GLIS1: variants seen among roughly 807,000 people sequenced by gnomAD.
GLIS1 encodes zinc finger protein GLIS1.
In GLIS1, 24 loss-of-function variants were observed where a neutral mutation model predicts 63.8. The ratio of observed to expected loss-of-function variants is 0.38; its 90% confidence interval spans 0.27 to 0.53. GLIS1 has a LOEUF of 0.53. GLIS1 is among the 20% of genes least tolerant of loss of function. The pLI, the probability that GLIS1 is intolerant of heterozygous loss-of-function variation, is 0.85. For missense variants in GLIS1, 1,036 were observed against 1,074.1 expected, an observed-to-expected ratio of 0.96 and a Z score of 0.50; for synonymous variants, 450 against 482.5, an observed-to-expected ratio of 0.93 and a Z score of 0.88.
intron 4 of GLIS1, among the ~76,000 whole-genome samples, chr1:53,530,756 C>T (rs756089969): frequency 2.0e-4 from 30 of 151,292 alleles, no homozygotes; most frequent in Non-Finnish European, 3.8e-4. Flanking sequence ...CTCACAGCCA[C>T]CCACCAACCT....
At chr1:53,603,761 T>C (rs977109269) in intron 2 of GLIS1, among the ~76,000 whole-genome samples, 4 of 152,264 alleles carry the variant, frequency 2.6e-5, no homozygotes, top group Admixed American at 1.3e-4. Context: ...GAGCCAACCT[T>C]GGGCCTGGCT....
intron 8 of GLIS1, among the ~76,000 whole-genome samples, chr1:53,512,745 G>A (rs1290377105): frequency 2.0e-5 from 3 of 152,158 alleles, no homozygotes; most frequent in Non-Finnish European, 2.9e-5. Flanking sequence ...AATTCTTGAC[G>A]GGCACTTATG....
intron 2 of GLIS1, among the ~76,000 whole-genome samples, chr1:53,659,578 C>T (rs959573536): frequency 3.9e-5 from 6 of 152,198 alleles, no homozygotes; most frequent in Admixed American, 6.5e-5. Context: ...CAGGACACCA[C>T]TCCACACAGG....
intron 4 of GLIS1, among the ~76,000 whole-genome samples, chr1:53,586,001 A>G (rs1645131153): frequency 6.6e-6 from 1 of 151,958 alleles, no homozygotes; most frequent in Non-Finnish European, 1.5e-5. Context: ...TGAGTCTCCA[A>G]CTCCATCTAT....
intron 2 of GLIS1, among the ~76,000 whole-genome samples, chr1:53,643,882 AT>A (rs1358416065): frequency 6.6e-6 from 1 of 152,098 alleles, no homozygotes; most frequent in Non-Finnish European, 1.5e-5. Context: ...ACAGAGTGTA[AT>A]CCCCACACGA....
At chr1:53,658,618 T>G (rs956217636) in intron 2 of GLIS1, among the ~76,000 whole-genome samples, 1 of 152,124 alleles carries the variant, frequency 6.6e-6, no homozygotes, top group African/African-American at 2.4e-5. Flanking sequence ...CATGCTGATG[T>G]CAGAGTCTCC....
At chr1:53,588,429 C>A (rs1231333129) in intron 4 of GLIS1, among the ~76,000 whole-genome samples, 1 of 152,218 alleles carries the variant, frequency 6.6e-6, no homozygotes, top group East Asian at 1.9e-4. Flanking sequence ...TTATCAGCCC[C>A]TTCAGGGAAC....
intron 2 of GLIS1, among the ~76,000 whole-genome samples, chr1:53,712,132 C>A (rs1294505859): frequency 6.6e-6 from 1 of 152,200 alleles, no homozygotes; most frequent in Admixed American, 6.5e-5. Flanking sequence ...TCTGCTCTGG[C>A]AACACCAAAT....
intron 2 of GLIS1, among the ~76,000 whole-genome samples, chr1:53,667,672 C>T (rs6658469): frequency 6.6e-6 from 1 of 152,064 alleles, no homozygotes; most frequent in East Asian, 1.9e-4. Context: ...ATTTTCACAG[C>T]ATTTTGAAGG....
At chr1:53,613,775 G>A (rs1645450352) in intron 2 of GLIS1, among the ~76,000 whole-genome samples, 1 of 152,046 alleles carries the variant, frequency 6.6e-6, no homozygotes, top group African/African-American at 2.4e-5. Flanking sequence ...TGATTTATGA[G>A]GCAGTCACTT....
Position 53,526,013 on chromosome 1 carries a change from G to A in GLIS1, c.1483-1126C>T, listed in dbSNP as rs1644464766. Among the ~76,000 whole-genome samples the A allele has an allele frequency of 6.6e-6, 1 of 152,164 alleles. No individual in the cohort carries two copies. On this transcript the variant is annotated intron_variant, in intron 5 of 10. Coordinates refer to ENST00000628545, the MANE Select transcript of GLIS1 (RefSeq NM_001367484.1). This position sits in a 1 kb window ranked among gnomAD's most constrained non-coding sequence, Gnocchi z 4.4. ...CCCAATCTCTCCCAAGGCTTCCACA[G>A]GACCCTGCTTGAGGACTCTGGCCGC...
intron 4 of GLIS1, among the ~76,000 whole-genome samples, chr1:53,571,767 A>C (rs1039244737): frequency 1.3e-5 from 2 of 151,728 alleles, no homozygotes; most frequent in African/African-American, 4.8e-5. Flanking sequence ...TTTAGTACAG[A>C]CGGGGTTTCA....
intron 2 of GLIS1, among the ~76,000 whole-genome samples, chr1:53,611,111 G>A (rs1645420511): frequency 3.3e-5 from 5 of 151,820 alleles, no homozygotes; most frequent in Admixed American, 3.3e-4. Flanking sequence ...TTGAGACAGG[G>A]TCCTGCCCTG....
intron 4 of GLIS1, among the ~76,000 whole-genome samples, chr1:53,569,135 G>A (rs1403868457): frequency 2.0e-5 from 3 of 152,198 alleles, no homozygotes; most frequent in Admixed American, 6.5e-5. Context: ...AAACATCGGT[G>A]GTTGCCAAGG....
At chr1:53,548,826 T>A (rs1644731640) in intron 4 of GLIS1, among the ~76,000 whole-genome samples, 1 of 152,254 alleles carries the variant, frequency 6.6e-6, no homozygotes, top group Non-Finnish European at 1.5e-5. Context: ...AGTATACGAT[T>A]CAGTGATTTG....
At chr1:53,528,946 C>G (rs1644499549) in intron 5 of GLIS1, among the ~76,000 whole-genome samples, 1 of 152,172 alleles carries the variant, frequency 6.6e-6, no homozygotes, top group South Asian at 2.1e-4. Flanking sequence ...TGCCCCTCAC[C>G]CAGGGCCTAG....
chr1:53,573,442 C>A (rs1645002546), intron 4 of GLIS1, among the ~76,000 whole-genome samples: 1 of 152,202 alleles, frequency 6.6e-6, no homozygotes, highest in Non-Finnish European at 1.5e-5. Context: ...CCTCTGACCA[C>A]CCCGGCCTGA....
intron 2 of GLIS1, among the ~76,000 whole-genome samples, chr1:53,709,329 CACAT>C (rs1646614246): frequency 7.1e-6 from 1 of 140,612 alleles, no homozygotes; most frequent in Non-Finnish European, 1.5e-5. Context: ...TATAAATATA[CACAT>C]ATATATACAT....
In GLIS1 at chr1:53,594,088, G is replaced by A; in HGVS notation, c.1320+20C>T. 1 of 1,586,174 alleles carries A rather than the reference G, an allele frequency of 6.3e-7. No individual in the cohort carries two copies. The highest frequency in any genetic ancestry group is 1.7e-4 in the Middle Eastern group (1 of 5,812). Reference sequence around the variant, plus strand: ...TGCCAGAGGGGCTGGGGTGAGGCCTGGCGGCCGGTGGGAACTCACCATGCA... The same window carrying A: ...TGCCAGAGGGGCTGGGGTGAGGCCTAGCGGCCGGTGGGAACTCACCATGCA... On this transcript the variant is annotated intron_variant, in intron 4 of 10. Coordinates refer to ENST00000628545, the MANE Select transcript of GLIS1 (RefSeq NM_001367484.1).
Sources: allele counts gnomAD v4.1 joint callset (sites outside exome capture counted in the v4.1 genomes callset), GRCh38; gene constraint gnomAD v4.1.1; non-coding constraint Gnocchi (gnomAD v3.1); transcripts MANE v1.5; gene names NCBI Gene and HGNC (gene_info 2026-07-23, HGNC 2026-07-21).